Variants in IL1R1 observed in about 807,000 individuals in gnomAD.
The protein encoded by IL1R1 is interleukin 1 receptor type 1, also known as interleukin-1 receptor type 1.
In IL1R1, 22 loss-of-function variants were observed where a neutral mutation model predicts 50.2. The observed-to-expected ratio is 0.44, with a 90% confidence interval of 0.31 to 0.63. IL1R1 has a LOEUF of 0.63. Ranked by LOEUF, IL1R1 falls within the 20% of genes least tolerant of loss-of-function variation. The probability of loss-of-function intolerance (pLI) is 0.07; values close to 1 mark genes in which losing one functional copy is unlikely to be tolerated. For missense variants in IL1R1, 509 were observed against 676.2 expected (o/e 0.75, Z 2.74); for synonymous variants, 251 against 236.7 (o/e 1.06, Z -0.55).
At chr2:102,172,616 G>A in intron 8 of IL1R1, 71 bp from the exon 9 acceptor site, 1 of 1,317,556 alleles carries the variant, frequency 7.6e-7, no homozygotes. Flanking sequence ...GAAATACACA[G>A]GGTATACAGG....
chr2:102,147,672 G>A (rs1334255880), intron 1 of IL1R1, among the ~76,000 whole-genome samples: 2 of 143,900 alleles, frequency 1.4e-5, no homozygotes, highest in African/African-American at 5.6e-5. Flanking sequence ...TGGTCAAGAG[G>A]CTTGGGGTAG....
intron 1 of IL1R1, among the ~76,000 whole-genome samples, chr2:102,114,322 G>C (rs1309854436): frequency 1.3e-5 from 2 of 152,222 alleles, no homozygotes; most frequent in African/African-American, 4.8e-5. Flanking sequence ...TGGAATGCAT[G>C]GGGAAACCTG....
intron 1 of IL1R1, among the ~76,000 whole-genome samples, chr2:102,133,901 C>CAAAA (rs10566008): frequency 1.7e-3 from 236 of 141,622 alleles, no homozygotes; most frequent in African/African-American, 5.9e-3. Context: ...CTAGCTGGTG[C>CAAAA]AAAAAAAAAA....
chr2:102,124,529 CTT>C (rs1372952494), intron 1 of IL1R1, among the ~76,000 whole-genome samples: 1 of 151,734 alleles, frequency 6.6e-6, no homozygotes, highest in Non-Finnish European at 1.5e-5. Context: ...CCTCGGGAAA[CTT>C]ATAATCATTG....
chr2:102,080,833 C>T (rs908588366), intron 1 of IL1R1, among the ~76,000 whole-genome samples: 2 of 152,118 alleles, frequency 1.3e-5, no homozygotes, highest in African/African-American at 4.8e-5. Flanking sequence ...AATGGATTAA[C>T]AATATGCAGT....
intron 1 of IL1R1, among the ~76,000 whole-genome samples, chr2:102,077,936 A>G (rs1056075375): frequency 2.0e-5 from 3 of 152,234 alleles, no homozygotes; most frequent in African/African-American, 2.4e-5. Flanking sequence ...GAAAGTCACA[A>G]ATATGTGAAA....
intron 2 of IL1R1, among the ~76,000 whole-genome samples, chr2:102,155,958 T>A (rs72820125): frequency 2.0e-5 from 3 of 152,218 alleles, no homozygotes; most frequent in African/African-American, 7.2e-5. Flanking sequence ...ATCTTCTTTT[T>A]CTTCTCCCCT....
intron 1 of IL1R1, among the ~76,000 whole-genome samples, chr2:102,113,172 A>G (rs1049391999): frequency 6.6e-6 from 1 of 152,260 alleles, no homozygotes; most frequent in Non-Finnish European, 1.5e-5. Context: ...TGGTATAACT[A>G]TCTTTAAAGA....
At chr2:102,099,287 A>G (rs540514287) in intron 1 of IL1R1, among the ~76,000 whole-genome samples, 2 of 152,312 alleles carry the variant, frequency 1.3e-5, no homozygotes, top group Non-Finnish European at 2.9e-5. Context: ...CCAAAATTAG[A>G]GGGCCTAGAA....
chr2:102,128,848 C>T (rs1340212220), intron 1 of IL1R1, among the ~76,000 whole-genome samples: 2 of 152,128 alleles, frequency 1.3e-5, no homozygotes, highest in Non-Finnish European at 2.9e-5. Flanking sequence ...AGTTATTTTA[C>T]TCATTGGGTA....
At chr2:102,118,312 G>A (rs1681207101) in intron 1 of IL1R1, among the ~76,000 whole-genome samples, 1 of 152,152 alleles carries the variant, frequency 6.6e-6, no homozygotes, top group Non-Finnish European at 1.5e-5. Flanking sequence ...AGAGGGCAAG[G>A]AAGCGCACTT....
intron 1 of IL1R1, among the ~76,000 whole-genome samples, chr2:102,137,249 A>C (rs72996594): frequency 6.6e-6 from 1 of 152,200 alleles, no homozygotes; most frequent in Non-Finnish European, 1.5e-5. Context: ...TCCTGAGTAC[A>C]GTCATTGTTT....
intron 1 of IL1R1, among the ~76,000 whole-genome samples, chr2:102,125,843 A>C (rs957998406): frequency 6.6e-6 from 1 of 152,250 alleles, no homozygotes; most frequent in African/African-American, 2.4e-5. Flanking sequence ...GATGCCTGGG[A>C]TGCAATAAGA....
chr2:102,119,115 A>G (rs1681261465), intron 1 of IL1R1, among the ~76,000 whole-genome samples: 1 of 151,886 alleles, frequency 6.6e-6, no homozygotes, highest in Admixed American at 6.6e-5. Context: ...ATCTGAGCTT[A>G]TATCTGCTGT....
intron 1 of IL1R1, among the ~76,000 whole-genome samples, chr2:102,078,415 C>T (rs200892794): frequency 3.4e-4 from 51 of 151,766 alleles, no homozygotes; most frequent in Middle Eastern, 3.4e-3. Flanking sequence ...GGGAATACTA[C>T]GAAAAAATTA....
At chr2:102,072,807 T>C (rs1386594408) in intron 1 of IL1R1, among the ~76,000 whole-genome samples, 1 of 152,200 alleles carries the variant, frequency 6.6e-6, no homozygotes, top group Non-Finnish European at 1.5e-5. Context: ...AAGTTTTCGC[T>C]TTTTTGTAGG....
At chr2:102,143,586 A>C (rs1469560154) in intron 1 of IL1R1, among the ~76,000 whole-genome samples, 1 of 152,194 alleles carries the variant, frequency 6.6e-6, no homozygotes, top group African/African-American at 2.4e-5. Flanking sequence ...TCTTGTGAGG[A>C]GGGTGCTGTC....
intron 2 of IL1R1, 68 bp from the exon 3 acceptor site, chr2:102,157,651 G>A: frequency 9.9e-7 from 1 of 1,009,610 alleles, no homozygotes; most frequent in Non-Finnish European, 1.6e-6. Flanking sequence ...GGTATATTTA[G>A]TTTTAGAGAT....
chr2:102,077,888 G>A (rs55760291), intron 1 of IL1R1, among the ~76,000 whole-genome samples: 3,334 of 152,176 alleles, frequency 0.022, 77 homozygotes, highest in South Asian at 0.13. Context: ...TGATCACAAC[G>A]AAATGAAATT....
Sources: allele counts gnomAD v4.1 joint callset (sites outside exome capture counted in the v4.1 genomes callset), GRCh38; gene constraint gnomAD v4.1.1; transcripts MANE v1.5; gene names NCBI Gene and HGNC (gene_info 2026-07-23, HGNC 2026-07-21).